Variants in ACTR3B observed in about 807,000 individuals in gnomAD.
ACTR3B encodes the protein actin related protein 3B, also known as actin-related protein 3B.
In ACTR3B, 8 loss-of-function variants were observed where a neutral mutation model predicts 59.0. The observed-to-expected ratio is 0.14, with a 90% CI of 0.08 to 0.24. The LOEUF is 0.24. Ranked by LOEUF, ACTR3B falls within the 10% of genes least tolerant of loss-of-function variation. The probability of loss-of-function intolerance (pLI) is 1.00; values close to 1 mark genes in which losing one functional copy is unlikely to be tolerated. For missense variants in ACTR3B, 245 were observed against 552.3 expected (o/e 0.44, Z 5.58); for synonymous variants, 148 against 197.9 (o/e 0.75, Z 2.12).
At chr7:152,819,276 T>G (rs1795963366) in intron 6 of ACTR3B, among the ~76,000 whole-genome samples, 1 of 152,228 alleles carries the variant, frequency 6.6e-6, no homozygotes, top group Admixed American at 6.5e-5. Context: ...TACTGGTGAC[T>G]AGGTGCAGCT....
intron 2 of ACTR3B, among the ~76,000 whole-genome samples, chr7:152,791,301 G>A (rs2098195412): frequency 6.6e-6 from 1 of 152,168 alleles, no homozygotes; most frequent in Non-Finnish European, 1.5e-5. Flanking sequence ...CCGCTGTGCC[G>A]GCCCATTGTT....
At chr7:152,796,311 C>T (rs1025457499) in intron 2 of ACTR3B, among the ~76,000 whole-genome samples, 2 of 152,024 alleles carry the variant, frequency 1.3e-5, no homozygotes, top group Non-Finnish European at 2.9e-5. Flanking sequence ...GAATGAAATT[C>T]TAGAAGTGGA....
At chr7:152,834,192 C>T (rs1212171760) in intron 9 of ACTR3B, among the ~76,000 whole-genome samples, 1 of 147,922 alleles carries the variant, frequency 6.8e-6, no homozygotes, top group African/African-American at 2.5e-5. Flanking sequence ...TCGCTCTTGT[C>T]GCCCAGCCTG....
chr7:152,843,923 A>T (rs1393562206), intron 9 of ACTR3B, among the ~76,000 whole-genome samples: 1 of 152,186 alleles, frequency 6.6e-6, no homozygotes, highest in Non-Finnish European at 1.5e-5. Flanking sequence ...CCGCTCCTAG[A>T]TGTGTGTGCA....
intron 9 of ACTR3B, among the ~76,000 whole-genome samples, chr7:152,840,395 T>TA (rs1797784047): frequency 6.6e-6 from 1 of 152,190 alleles, no homozygotes; most frequent in African/African-American, 2.4e-5. Context: ...CATTACCCTC[T>TA]AATTTCCCCT....
intron 1 of ACTR3B, among the ~76,000 whole-genome samples, chr7:152,767,013 C>G (rs148085346): frequency 0.013 from 1,935 of 151,452 alleles, 37 homozygotes; most frequent in African/African-American, 0.045. Context: ...ATCTCAAACT[C>G]CTGACCTCAG....
chr7:152,834,824 G>A (rs1193012749), intron 9 of ACTR3B, among the ~76,000 whole-genome samples: 3 of 152,162 alleles, frequency 2.0e-5, no homozygotes, highest in Non-Finnish European at 4.4e-5. Context: ...ATCTGCTGGC[G>A]AGTGAAGCAG....
intron 4 of ACTR3B, among the ~76,000 whole-genome samples, chr7:152,804,581 G>A (rs2098246621): frequency 6.6e-6 from 1 of 152,204 alleles, no homozygotes; most frequent in African/African-American, 2.4e-5. Context: ...GGCGTAGGGT[G>A]AGAATGGCAG....
intron 2 of ACTR3B, among the ~76,000 whole-genome samples, chr7:152,797,187 G>A (rs1385597733): frequency 1.3e-5 from 2 of 152,014 alleles, no homozygotes; most frequent in Non-Finnish European, 2.9e-5. Flanking sequence ...CAACCTCCTG[G>A]GCTCAAGTGA....
chr7:152,764,106 A>G (rs1479196773), intron 1 of ACTR3B, among the ~76,000 whole-genome samples: 2 of 151,570 alleles, frequency 1.3e-5, no homozygotes, highest in Non-Finnish European at 2.9e-5. Flanking sequence ...CCCGGGTTCA[A>G]GCGATTCTCC....
chr7:152,769,121 G>C (rs1457751077), intron 1 of ACTR3B, among the ~76,000 whole-genome samples: 1 of 152,170 alleles, frequency 6.6e-6, no homozygotes, highest in Non-Finnish European at 1.5e-5. Flanking sequence ...CTAAAGTGCT[G>C]GGATTACAGG....
At chr7:152,818,319 T>G (rs1200319777) in intron 6 of ACTR3B, among the ~76,000 whole-genome samples, 3 of 152,242 alleles carry the variant, frequency 2.0e-5, no homozygotes, top group Non-Finnish European at 2.9e-5. Context: ...AGTTCAGTTT[T>G]TCCTCCAGCT....
intron 1 of ACTR3B, among the ~76,000 whole-genome samples, chr7:152,771,516 C>T (rs890894794): frequency 2.6e-5 from 4 of 152,006 alleles, no homozygotes; most frequent in Admixed American, 1.3e-4. Context: ...ACGTAGACCA[C>T]GGTAGGAAAG....
intron 1 of ACTR3B, among the ~76,000 whole-genome samples, chr7:152,771,777 A>T (rs2098124516): frequency 6.6e-6 from 1 of 152,242 alleles, no homozygotes; most frequent in Non-Finnish European, 1.5e-5. Flanking sequence ...TGGTTAATTT[A>T]TAAAACCTGA....
chr7:152,832,773 C>T (rs1563142199), intron 9 of ACTR3B, among the ~76,000 whole-genome samples: 1 of 152,212 alleles, frequency 6.6e-6, no homozygotes, highest in Non-Finnish European at 1.5e-5. Context: ...GGCAGAATTC[C>T]TTCTCGGGGA....
chr7:152,771,827 G>A (rs2098124703), intron 1 of ACTR3B, among the ~76,000 whole-genome samples: 1 of 152,198 alleles, frequency 6.6e-6, no homozygotes, highest in South Asian at 2.1e-4. Flanking sequence ...TATAATCCCA[G>A]CACTTTGGGA....
chr7:152,852,536 A>G (rs1798899690), intron 10 of ACTR3B, among the ~76,000 whole-genome samples: 1 of 152,164 alleles, frequency 6.6e-6, no homozygotes, highest in South Asian at 2.1e-4. Context: ...GAGATCAGGC[A>G]TGGGGTATAA....
intron 9 of ACTR3B, among the ~76,000 whole-genome samples, chr7:152,843,467 G>A (rs1298667750): frequency 6.6e-6 from 1 of 152,184 alleles, no homozygotes; most frequent in East Asian, 1.9e-4. Flanking sequence ...GAAGTATCTT[G>A]ATGACTTTGT....
At chr7:152,838,676 T>C (rs1797652427) in intron 9 of ACTR3B, among the ~76,000 whole-genome samples, 1 of 152,184 alleles carries the variant, frequency 6.6e-6, no homozygotes, top group South Asian at 2.1e-4. Context: ...GAACTTAAAG[T>C]ATAATAATAA....
Sources: gnomAD v4.1 joint callset for allele counts (sites outside exome capture counted in the v4.1 genomes callset) on GRCh38, gnomAD v4.1.1 for gene constraint, MANE v1.5 for transcripts, NCBI Gene and HGNC (gene_info 2026-07-23, HGNC 2026-07-21) for gene names.